The following CPNE4 variants were observed in gnomAD, a reference collection of about 807,000 sequenced individuals.
CPNE4 encodes copine-4.
CPNE4 carries 25 observed loss-of-function variants against 67.9 expected under a neutral mutation model. The observed-to-expected ratio is 0.37, with a 90% CI of 0.27 to 0.51. CPNE4 has a LOEUF of 0.51. CPNE4 is among the 20% of genes least tolerant of loss of function. The probability of loss-of-function intolerance (pLI) is 0.93; values close to 1 mark genes in which losing one functional copy is unlikely to be tolerated. For synonymous variants in CPNE4, 242 were observed against 244.9 expected (o/e 0.99, Z 0.11); for missense variants, 464 against 690.8 (o/e 0.67, Z 3.68).
At chr3:131,763,378 G>C (rs1026179203) in intron 2 of CPNE4, among the ~76,000 whole-genome samples, 1 of 152,058 alleles carries the variant, frequency 6.6e-6, no homozygotes, top group African/African-American at 2.4e-5. Flanking sequence ...TAATAACTTA[G>C]GTTATTCTTC....
At chr3:131,802,851 C>A (rs1316912606) in intron 2 of CPNE4, among the ~76,000 whole-genome samples, 5 of 152,032 alleles carry the variant, frequency 3.3e-5, no homozygotes, top group Admixed American at 6.6e-5. Flanking sequence ...AAAGAGGGAC[C>A]AGGTCATGAT....
intron 7 of CPNE4, among the ~76,000 whole-genome samples, chr3:131,614,107 G>A (rs543670607): frequency 6.6e-6 from 1 of 152,256 alleles, no homozygotes; most frequent in South Asian, 2.1e-4. Context: ...CCAAGTCAGT[G>A]GGTAAGGGGT....
chr3:132,000,425 A>G (rs1428544931), intron 1 of CPNE4, among the ~76,000 whole-genome samples: 1 of 152,046 alleles, frequency 6.6e-6, no homozygotes, highest in Non-Finnish European at 1.5e-5. Context: ...AAAACAGAGC[A>G]CAAAATTTCT....
intron 1 of CPNE4, among the ~76,000 whole-genome samples, chr3:132,014,711 T>C (rs1208977958): frequency 1.3e-5 from 2 of 152,188 alleles, no homozygotes; most frequent in Admixed American, 1.3e-4. Context: ...ATATTTCTAT[T>C]GTCTTCTAAT....
At chr3:131,924,527 G>A in intron 1 of CPNE4, among the ~76,000 whole-genome samples, 1 of 152,014 alleles carries the variant, frequency 6.6e-6, no homozygotes, top group East Asian at 1.9e-4. Flanking sequence ...GAATCACTTG[G>A]AGATCTTTTA....
At chr3:131,692,610 T>C (rs1027458741) in intron 5 of CPNE4, among the ~76,000 whole-genome samples, 1 of 152,192 alleles carries the variant, frequency 6.6e-6, no homozygotes, top group Admixed American at 6.6e-5. Flanking sequence ...ATGGCTGTTT[T>C]CATGCTTCAA....
At chr3:131,549,820 G>T in intron 14 of CPNE4, 127 bp downstream of exon 14, 1 of 1,077,096 alleles carries the variant, frequency 9.3e-7, no homozygotes, top group Non-Finnish European at 1.4e-6. Context: ...AGGAGGTTAA[G>T]TCATTTGTCC....
chr3:131,710,199 T>C (rs2081524267), intron 3 of CPNE4, among the ~76,000 whole-genome samples: 1 of 152,328 alleles, frequency 6.6e-6, no homozygotes, highest in Middle Eastern at 3.4e-3. Context: ...GCATTATTCA[T>C]TGAATACATA....
chr3:131,799,918 GTTGTGTGTGTGT>G (rs1320551518), intron 2 of CPNE4, among the ~76,000 whole-genome samples: 1 of 67,096 alleles, frequency 1.5e-5, no homozygotes, highest in African/African-American at 5.2e-5. Flanking sequence ...GTGTGTGTGT[GTTGTGTGTGTGT>G]GTGTGTGTGT....
At chr3:131,849,585 A>C (rs1007608792) in intron 2 of CPNE4, among the ~76,000 whole-genome samples, 1 of 152,134 alleles carries the variant, frequency 6.6e-6, no homozygotes, top group African/African-American at 2.4e-5. Context: ...ATTGGGTATT[A>C]CAACTGGACA....
intron 11 of CPNE4, among the ~76,000 whole-genome samples, chr3:131,557,171 G>A (rs1241521363): frequency 1.3e-5 from 2 of 152,114 alleles, no homozygotes; most frequent in Non-Finnish European, 2.9e-5. Flanking sequence ...TTGTGCTGTC[G>A]GGTGGCTGTC....
At chr3:131,903,779 A>G (rs1224359776) in intron 2 of CPNE4, among the ~76,000 whole-genome samples, 1 of 152,234 alleles carries the variant, frequency 6.6e-6, no homozygotes, top group Non-Finnish European at 1.5e-5. Context: ...TACCCAGTAA[A>G]GTTTAGGTCA....
chr3:131,901,990 C>A (rs2088573632), intron 2 of CPNE4, among the ~76,000 whole-genome samples: 1 of 152,066 alleles, frequency 6.6e-6, no homozygotes, highest in Non-Finnish European at 1.5e-5. Context: ...TTCTTCACAG[C>A]CCCTATTTAG....
At chr3:131,919,163 T>A (rs2070670984) in intron 1 of CPNE4, among the ~76,000 whole-genome samples, 1 of 152,166 alleles carries the variant, frequency 6.6e-6, no homozygotes, top group African/African-American at 2.4e-5. Context: ...GATAGTCAAC[T>A]GAGAAGTAGC....
At chr3:131,620,978 A>G (rs1306640628) in intron 7 of CPNE4, among the ~76,000 whole-genome samples, 1 of 151,608 alleles carries the variant, frequency 6.6e-6, no homozygotes, top group East Asian at 1.9e-4. Context: ...GAAACTCATA[A>G]CACCATCATC....
chr3:131,814,846 C>T (rs1219719359), intron 2 of CPNE4, among the ~76,000 whole-genome samples: 3 of 136,108 alleles, frequency 2.2e-5, no homozygotes, highest in Non-Finnish European at 4.4e-5. Context: ...CCTCGTGATC[C>T]GCCCGCCTCG....
At chr3:131,998,579 T>A (rs573921389) in intron 1 of CPNE4, among the ~76,000 whole-genome samples, 2 of 152,138 alleles carry the variant, frequency 1.3e-5, no homozygotes, top group African/African-American at 4.8e-5. Context: ...TGCCTTCACA[T>A]GACAAGACAG....
At chr3:131,863,317 T>C (rs1211046004) in intron 2 of CPNE4, among the ~76,000 whole-genome samples, 1 of 152,254 alleles carries the variant, frequency 6.6e-6, no homozygotes, top group South Asian at 2.1e-4. Flanking sequence ...TAGTTTACAG[T>C]CCCACCAACA....
chr3:131,953,247 A>AT (rs1449852685), intron 1 of CPNE4, among the ~76,000 whole-genome samples: 7 of 92,546 alleles, frequency 7.6e-5, no homozygotes, highest in Admixed American at 2.0e-4. Flanking sequence ...ATTAAAAAAA[A>AT]AAAAAAAAAA....
Sources: allele counts gnomAD v4.1 joint callset (sites outside exome capture counted in the v4.1 genomes callset), GRCh38; gene constraint gnomAD v4.1.1; transcripts MANE v1.5; gene names NCBI Gene and HGNC (gene_info 2026-07-23, HGNC 2026-07-21).